UMAD1: variants seen among roughly 807,000 people sequenced by gnomAD.
UMAD1 encodes UBAP1-MVB12-associated (UMA)-domain containing protein 1.
Under a neutral mutation model 6.1 loss-of-function variants are expected in UMAD1, and 8 were observed. The ratio of observed to expected loss-of-function variants is 1.30; its 90% CI spans 0.76 to 2.35. The LOEUF (loss-of-function observed/expected upper bound fraction) is 2.35. UMAD1 is among the 30% of genes most tolerant of loss of function. UMAD1 has a pLI of 0.00. For synonymous variants in UMAD1, 56 were observed against 31.4 expected (o/e 1.78, Z -2.61); for missense variants, 130 against 78.4 (o/e 1.66, Z -2.49).
intron 2 of UMAD1, among the ~76,000 whole-genome samples, chr7:7,695,462 C>T (rs28912703): frequency 1.4e-3 from 206 of 152,174 alleles, no homozygotes; most frequent in African/African-American, 4.5e-3. Context: ...TGATTCTGTC[C>T]ATTTAATTTT....
chr7:7,740,060 A>G (rs1781432661), intron 2 of UMAD1, among the ~76,000 whole-genome samples: 2 of 152,250 alleles, frequency 1.3e-5, no homozygotes, highest in Admixed American at 6.5e-5. Context: ...ATGATTGTTA[A>G]AAGTTCTTGA....
At chr7:7,646,905 GC>G (rs1457022388) in intron 1 of UMAD1, among the ~76,000 whole-genome samples, 4 of 152,234 alleles carry the variant, frequency 2.6e-5, no homozygotes, top group African/African-American at 9.6e-5. Context: ...GGGCCAAAAG[GC>G]AACATTTGGG....
chr7:7,875,149 A>G (rs1031685510), intron 3 of UMAD1, among the ~76,000 whole-genome samples: 2 of 152,228 alleles, frequency 1.3e-5, no homozygotes, highest in Non-Finnish European at 2.9e-5. Flanking sequence ...ATTTATAACC[A>G]AAGACACAAC....
intron 2 of UMAD1, among the ~76,000 whole-genome samples, chr7:7,758,079 A>C (rs1282133811): frequency 6.6e-6 from 1 of 151,802 alleles, no homozygotes; most frequent in Non-Finnish European, 1.5e-5. Flanking sequence ...CATTATTATT[A>C]TTATTTTTAA....
chr7:7,676,281 T>G (rs1432038289), intron 2 of UMAD1: 2 of 397,252 alleles, frequency 5.0e-6, no homozygotes, highest in African/African-American at 2.1e-5. Flanking sequence ...CCCCATGAAG[T>G]TATTGAGGGG....
intron 2 of UMAD1, chr7:7,686,024 A>G (rs1372227879): frequency 6.6e-6 from 1 of 152,234 alleles, no homozygotes; most frequent in Admixed American, 6.5e-5. Flanking sequence ...TTTGGGAGCT[A>G]TAGCCAGAGA....
intron 2 of UMAD1, among the ~76,000 whole-genome samples, chr7:7,785,620 A>G (rs1427704083): frequency 6.6e-6 from 1 of 152,200 alleles, no homozygotes; most frequent in Non-Finnish European, 1.5e-5. Context: ...AGGAAGGGAG[A>G]TTGATTGCGT....
At chr7:7,794,668 AC>A (rs1782638104) in intron 2 of UMAD1, among the ~76,000 whole-genome samples, 1 of 152,190 alleles carries the variant, frequency 6.6e-6, no homozygotes, top group Non-Finnish European at 1.5e-5. Context: ...CTGGTATAGG[AC>A]CTCATGACAG....
At chr7:7,869,576 T>C (rs1784299261) in intron 3 of UMAD1, among the ~76,000 whole-genome samples, 2 of 152,334 alleles carry the variant, frequency 1.3e-5, no homozygotes, top group Admixed American at 1.3e-4. Context: ...TTTGCTTTTA[T>C]AGCATACTAC....
intron 2 of UMAD1, among the ~76,000 whole-genome samples, chr7:7,791,910 A>G (rs2115264632): frequency 6.6e-6 from 1 of 152,354 alleles, no homozygotes; most frequent in Non-Finnish European, 1.5e-5. Context: ...ATGAAAATTC[A>G]CACTAATATA....
chr7:7,739,322 T>C (rs1196901607), intron 2 of UMAD1, among the ~76,000 whole-genome samples: 1 of 152,182 alleles, frequency 6.6e-6, no homozygotes, highest in Non-Finnish European at 1.5e-5. Flanking sequence ...CCTGTGAAAT[T>C]TATCATATTT....
At chr7:7,654,101 C>T (rs1785287524) in intron 1 of UMAD1, among the ~76,000 whole-genome samples, 1 of 152,168 alleles carries the variant, frequency 6.6e-6, no homozygotes, top group African/African-American at 2.4e-5. Flanking sequence ...CTAGGCTACC[C>T]TTCTTGATTC....
chr7:7,643,793 A>G (rs1402376347), intron 1 of UMAD1, among the ~76,000 whole-genome samples: 1 of 151,212 alleles, frequency 6.6e-6, no homozygotes, highest in Non-Finnish European at 1.5e-5. Context: ...TAACCTTCAC[A>G]TTCCCGCTTG....
chr7:7,692,520 A>G (rs538827422), intron 2 of UMAD1: 5 of 152,372 alleles, frequency 3.3e-5, no homozygotes, highest in Admixed American at 1.3e-4. Context: ...GTCAATATGT[A>G]TCAGAAGCTT....
intron 2 of UMAD1, among the ~76,000 whole-genome samples, chr7:7,775,236 C>A (rs1251974900): frequency 2.6e-5 from 4 of 152,164 alleles, no homozygotes; most frequent in African/African-American, 9.7e-5. Context: ...TAAATTAATA[C>A]TGCAATGAGA....
chr7:7,789,599 G>C (rs1225179978), intron 2 of UMAD1, among the ~76,000 whole-genome samples: 1 of 142,120 alleles, frequency 7.0e-6, no homozygotes, highest in Non-Finnish European at 1.5e-5. Context: ...CTCTGTACTC[G>C]TTAAACAAAA....
intron 2 of UMAD1, among the ~76,000 whole-genome samples, chr7:7,764,361 T>G (rs1347473955): frequency 2.0e-5 from 3 of 152,162 alleles, no homozygotes; most frequent in Non-Finnish European, 4.4e-5. Context: ...AGGGGAGAAT[T>G]TAATGTAATA....
At chr7:7,763,224 G>C (rs1468654152) in intron 2 of UMAD1, among the ~76,000 whole-genome samples, 1 of 152,108 alleles carries the variant, frequency 6.6e-6, no homozygotes, top group African/African-American at 2.4e-5. Flanking sequence ...TAAAGCCAAT[G>C]ACATTTTAAA....
intron 2 of UMAD1, among the ~76,000 whole-genome samples, chr7:7,795,774 T>A (rs1478912577): frequency 1.3e-5 from 2 of 152,156 alleles, no homozygotes; most frequent in African/African-American, 4.8e-5. Context: ...AGCAGGCCAA[T>A]ACATTATAAT....
Sources: allele counts gnomAD v4.1 joint callset (sites outside exome capture counted in the v4.1 genomes callset), GRCh38; gene constraint gnomAD v4.1.1; transcripts MANE v1.5; gene names NCBI Gene and HGNC (gene_info 2026-07-23, HGNC 2026-07-21).